SLC12A1: variants seen among roughly 807,000 people sequenced by gnomAD.
SLC12A1 encodes Na-K-2Cl cotransporter.
Under a neutral mutation model 130.4 loss-of-function variants are expected in SLC12A1, and 89 were observed. That is an observed-to-expected ratio of 0.68 (90% CI 0.58 to 0.81). SLC12A1 has a LOEUF of 0.81. SLC12A1 is among the 40% of genes least tolerant of loss of function. The probability of loss-of-function intolerance (pLI) is 0.00; values close to 1 mark genes in which losing one functional copy is unlikely to be tolerated. For missense variants in SLC12A1, 1,310 were observed against 1,336.4 expected, an observed-to-expected ratio of 0.98 and a Z score of 0.31; for synonymous variants, 499 against 460.0, an observed-to-expected ratio of 1.08 and a Z score of -1.09.
At chr15:48,285,323 G>C in intron 21 of SLC12A1, 74 bp downstream of exon 21, 1 of 1,449,378 alleles carries the variant, frequency 6.9e-7, no homozygotes, top group East Asian at 2.3e-5. Flanking sequence ...AGAGTCCGAA[G>C]TCAGCATCTA....
intron 24 of SLC12A1, among the ~76,000 whole-genome samples, chr15:48,297,119 T>C (rs2042184863): frequency 6.6e-6 from 1 of 152,122 alleles, no homozygotes. Flanking sequence ...TCTTTCAGTC[T>C]CCCTACTTTA....
chr15:48,294,020 C>T (rs2042147112), intron 24 of SLC12A1, among the ~76,000 whole-genome samples: 2 of 148,022 alleles, frequency 1.4e-5, no homozygotes, highest in African/African-American at 2.5e-5. Context: ...GCCTGGGTGA[C>T]AGAGTGAGAC....
At chr15:48,215,624 T>C (rs2041112233) in intron 2 of SLC12A1, among the ~76,000 whole-genome samples, 1 of 152,180 alleles carries the variant, frequency 6.6e-6, no homozygotes, top group Non-Finnish European at 1.5e-5. Context: ...ACACAGCTCA[T>C]AGCCATCAAG....
chr15:48,223,216 T>C (rs2041238898), intron 4 of SLC12A1: 1 of 152,200 alleles, frequency 6.6e-6, no homozygotes, highest in African/African-American at 2.4e-5. Flanking sequence ...TGAGGGTAGC[T>C]TAGTTGTCTT....
At chr15:48,255,130 C>T (rs1287819457) in intron 15 of SLC12A1, among the ~76,000 whole-genome samples, 6 of 151,890 alleles carry the variant, frequency 4.0e-5, no homozygotes, top group South Asian at 2.1e-4. Context: ...TACAGAAATG[C>T]TGCTTCTCCT....
intron 10 of SLC12A1, 54 bp downstream of exon 10, chr15:48,241,653 T>C (rs2041517544): frequency 7.9e-7 from 1 of 1,269,174 alleles, no homozygotes. Context: ...GGTCCAGTTG[T>C]TCACGTCTAG....
chr15:48,285,255 A>G lies in SLC12A1; in HGVS notation c.2629+6A>G. Reference sequence around the variant, plus strand: ...TAAGACAACGCCTAAAAAAGGTAAGAACTTTTTAAAATTTGCAAAAAAGTT... The same window carrying G: ...TAAGACAACGCCTAAAAAAGGTAAGGACTTTTTAAAATTTGCAAAAAAGTT... On this transcript the variant is annotated splice_donor_region_variant and intron_variant, in intron 21 of 26. Coordinates refer to ENST00000380993, the MANE Select transcript of SLC12A1 (RefSeq NM_000338.3). 6.2e-7 allele frequency: 1 copy of G among 1,613,092 alleles called. No individual in the cohort carries two copies. Among genetic ancestry groups the G allele is most frequent in the Non-Finnish European group, 8.5e-7 (1 of 1,179,632 alleles).
chr15:48,230,859 G>A lies in SLC12A1; in HGVS notation c.975+356G>A, dbSNP rs116900341. 2.4e-3 allele frequency among the ~76,000 whole-genome samples: 360 copies of A among 152,312 alleles called. 10 individuals are homozygous for A. The East Asian group carries it at 0.05, about 21-fold the overall frequency. ...GCTGCCTGTGGGTGCAAAAGCCCAA[G>A]AGAAATGGCAAGTGTGTTGAGAACA... On this transcript the variant is annotated intron_variant, in intron 7 of 26. Coordinates refer to ENST00000380993, the MANE Select transcript of SLC12A1 (RefSeq NM_000338.3).
At chr15:48,209,681 G>A (rs1014253053) in intron 2 of SLC12A1, among the ~76,000 whole-genome samples, 2 of 152,124 alleles carry the variant, frequency 1.3e-5, no homozygotes, top group Middle Eastern at 3.4e-3. Flanking sequence ...TGCTAATAAA[G>A]GGGAAAATCT....
chr15:48,229,999 T>C (rs1459278688), intron 6 of SLC12A1, among the ~76,000 whole-genome samples: 2 of 152,238 alleles, frequency 1.3e-5, no homozygotes, highest in East Asian at 1.9e-4. Context: ...TGGTCTTACA[T>C]AGGACACCAC....
At position 48,301,295 on chromosome 15, in the gene SLC12A1, A is replaced by C. The variant is rs1482113686; in HGVS notation, c.3097-20A>C. On this transcript the variant is annotated intron_variant, in intron 25 of 26. Coordinates refer to ENST00000380993, the MANE Select transcript of SLC12A1 (RefSeq NM_000338.3). ...AATTCTGGTAGAACTGTACTCAACAAATCTGAATGTTGCCCACAGAGTTAC... is the reference window on the plus strand; with the variant it reads ...AATTCTGGTAGAACTGTACTCAACACATCTGAATGTTGCCCACAGAGTTAC... 6.4e-7 allele frequency: 1 copy of C among 1,574,358 alleles called. No individual in the cohort carries two copies. The highest frequency in any genetic ancestry group is 2.3e-5 in the East Asian group (1 of 44,150).
chr15:48,263,071 A>T (rs1168016836), intron 17 of SLC12A1, among the ~76,000 whole-genome samples: 2 of 152,206 alleles, frequency 1.3e-5, no homozygotes, highest in Admixed American at 6.5e-5. Flanking sequence ...TCAGTTCTAG[A>T]AGTCTTATGG....
chr15:48,213,113 C>T (rs940869145), intron 2 of SLC12A1, among the ~76,000 whole-genome samples: 3 of 152,190 alleles, frequency 2.0e-5, no homozygotes, highest in African/African-American at 7.2e-5. Context: ...AGTCAATGAA[C>T]TTCCAAGGTC....
At chr15:48,253,117 C>A (rs2041666606) in intron 15 of SLC12A1, among the ~76,000 whole-genome samples, 1 of 152,228 alleles carries the variant, frequency 6.6e-6, no homozygotes, top group African/African-American at 2.4e-5. Context: ...CTTTCCCTTA[C>A]TCTGCCAGTA....
At chr15:48,232,546 A>G (rs2041393718) in intron 7 of SLC12A1, among the ~76,000 whole-genome samples, 181 bp from the exon 8 acceptor site, 1 of 152,230 alleles carries the variant, frequency 6.6e-6, no homozygotes, top group African/African-American at 2.4e-5. Context: ...ACATCCAAGT[A>G]GAATAAGACC....
At chr15:48,266,773 G>C (rs190421304) in intron 17 of SLC12A1, among the ~76,000 whole-genome samples, 2 of 152,262 alleles carry the variant, frequency 1.3e-5, no homozygotes, top group Non-Finnish European at 2.9e-5. Context: ...TACATCATGA[G>C]AAGAAAAGAA....
chr15:48,226,727 T>C, intron 5 of SLC12A1, 156 bp downstream of exon 5: 1 of 660,416 alleles, frequency 1.5e-6, no homozygotes, highest in Non-Finnish European at 2.7e-6. Context: ...TAAGGTACGA[T>C]GAGAATAGTC....
Position 48,267,669 on chromosome 15 carries a change from T to G in SLC12A1, c.2263T>G (p.Cys755Gly), listed in dbSNP as rs1441447214. ...KAFYAAVAAD[C>G]FRDGVRSLLQ... ...TTTTTATGCTGCAGTGGCGGCAGAC[T>G]GTTTCAGGGATGGTGTCCGAAGTCT... The change falls in exon 18 of 27, where the codon TGT becomes GGT. Residue 755 changes from cysteine to glycine, a missense_variant. By Grantham distance (159) the Cys-to-Gly change is radical (BLOSUM62 -3). Coordinates refer to ENST00000380993, the MANE Select transcript of SLC12A1 (RefSeq NM_000338.3). The G allele has an allele frequency of 6.2e-7, 1 of 1,613,512 alleles. No homozygotes were observed. The highest frequency in any genetic ancestry group is 1.7e-5 in the Admixed American group (1 of 60,004).
chr15:48,211,080 A>G (rs1188313607), intron 2 of SLC12A1, among the ~76,000 whole-genome samples: 1 of 152,216 alleles, frequency 6.6e-6, no homozygotes, highest in African/African-American at 2.4e-5. Context: ...CTGAATAATC[A>G]TTTTGAAAGT....
Sources: gnomAD v4.1 joint callset for allele counts (sites outside exome capture counted in the v4.1 genomes callset) on GRCh38, gnomAD v4.1.1 for gene constraint, MANE v1.5 for transcripts, NCBI Gene and HGNC (gene_info 2026-07-23, HGNC 2026-07-21) for gene names.